The following ANKRD44 variants were observed in gnomAD, a reference collection of about 807,000 sequenced individuals.
ANKRD44 encodes serine/threonine-protein phosphatase 6 regulatory ankyrin repeat subunit B.
ANKRD44 carries 35 observed loss-of-function variants against 116.0 expected under a neutral mutation model. The ratio of observed to expected loss-of-function variants is 0.30; its 90% CI spans 0.23 to 0.40. The LOEUF is 0.40. Among genes scored for constraint, ANKRD44 ranks in the 10% least tolerant of loss-of-function variants. The probability of loss-of-function intolerance (pLI) is 1.00; values close to 1 mark genes in which losing one functional copy is unlikely to be tolerated. For missense variants in ANKRD44, 1,014 were observed against 1,242.6 expected (o/e 0.82, Z 2.77); for synonymous variants, 435 against 461.8 (o/e 0.94, Z 0.74).
chr2:197,066,453 G>A (rs1186590131), intron 16 of ANKRD44, among the ~76,000 whole-genome samples: 2 of 152,156 alleles, frequency 1.3e-5, no homozygotes, highest in Admixed American at 1.3e-4. Context: ...AATCAGGCAG[G>A]AGAAAGAAAT....
chr2:196,999,563 C>CTTATTTATTTAT (rs375324261), intron 23 of ANKRD44, among the ~76,000 whole-genome samples: 114 of 138,446 alleles, frequency 8.2e-4, no homozygotes, highest in South Asian at 1.4e-3. Context: ...TGTACAGACA[C>CTTATTTATTTAT]TTATTTATTT....
chr2:197,037,973 A>G (rs1428598080), intron 16 of ANKRD44, among the ~76,000 whole-genome samples: 1 of 152,146 alleles, frequency 6.6e-6, no homozygotes, highest in African/African-American at 2.4e-5. Flanking sequence ...TCATTGCTAC[A>G]TTTTAAAAAC....
At chr2:197,305,715 G>C (rs979864562) in intron 1 of ANKRD44, among the ~76,000 whole-genome samples, 2 of 151,988 alleles carry the variant, frequency 1.3e-5, no homozygotes, top group Non-Finnish European at 2.9e-5. Flanking sequence ...TGTAAGAGAA[G>C]AATAAGTTTA....
intron 16 of ANKRD44, among the ~76,000 whole-genome samples, chr2:197,048,228 T>C (rs1174423654): frequency 2.6e-5 from 4 of 152,180 alleles, no homozygotes; most frequent in African/African-American, 7.2e-5. Context: ...CTAGGGTACA[T>C]GTGCACCACG....
chr2:197,083,604 A>G, intron 13 of ANKRD44, 95 bp from the exon 14 acceptor site: 1 of 1,408,390 alleles, frequency 7.1e-7, no homozygotes, highest in African/African-American at 1.4e-5. Flanking sequence ...AGGGCATGGA[A>G]AGCTCTTGGA....
chr2:197,131,252 C>T (rs1234871916), intron 4 of ANKRD44, among the ~76,000 whole-genome samples: 3 of 148,854 alleles, frequency 2.0e-5, no homozygotes, highest in Non-Finnish European at 3.0e-5. Context: ...AGTGCAGTGG[C>T]GCGATCTCGG....
intron 2 of ANKRD44, among the ~76,000 whole-genome samples, chr2:197,151,374 A>C (rs1370221512): frequency 6.6e-6 from 1 of 152,246 alleles, no homozygotes; most frequent in Non-Finnish European, 1.5e-5. Context: ...GATGGAGAAC[A>C]GGGATGACAT....
intron 16 of ANKRD44, among the ~76,000 whole-genome samples, chr2:197,060,705 C>T (rs915259115): frequency 2.6e-5 from 4 of 152,204 alleles, no homozygotes; most frequent in African/African-American, 4.8e-5. Context: ...ACCTCAGCTC[C>T]TGGCAACCCC....
At chr2:197,282,041 C>A (rs1559216287) in intron 1 of ANKRD44, among the ~76,000 whole-genome samples, 1 of 152,094 alleles carries the variant, frequency 6.6e-6, no homozygotes, top group Non-Finnish European at 1.5e-5. Flanking sequence ...ATCACGAGGT[C>A]AGGAGATAGA....
At chr2:197,110,660 C>CA in intron 9 of ANKRD44, 106 bp downstream of exon 9, 1 of 913,234 alleles carries the variant, frequency 1.1e-6, no homozygotes, top group African/African-American at 1.6e-5. Flanking sequence ...TGCATGCTTA[C>CA]TAAAACTCCA....
intron 1 of ANKRD44, among the ~76,000 whole-genome samples, chr2:197,239,827 T>C (rs2082052825): frequency 6.6e-6 from 1 of 152,200 alleles, no homozygotes; most frequent in Non-Finnish European, 1.5e-5. Context: ...CTCAATGGAT[T>C]TCATACTCTG....
At chr2:197,242,975 A>G (rs2082120823) in intron 1 of ANKRD44, among the ~76,000 whole-genome samples, 1 of 152,248 alleles carries the variant, frequency 6.6e-6, no homozygotes, top group African/African-American at 2.4e-5. Flanking sequence ...AAGAGATCAC[A>G]TTCTGTGACT....
intron 17 of ANKRD44, among the ~76,000 whole-genome samples, chr2:197,021,063 T>C (rs562825191): frequency 1.3e-5 from 2 of 152,318 alleles, no homozygotes; most frequent in East Asian, 1.9e-4. Context: ...TTTTCTGTCC[T>C]TGTGATAGTT....
intron 21 of ANKRD44, among the ~76,000 whole-genome samples, chr2:196,975,732 G>A (rs1457198943): frequency 6.7e-6 from 1 of 149,714 alleles, no homozygotes; most frequent in Admixed American, 6.6e-5. Flanking sequence ...AGGTTGCAGG[G>A]AGCCGAGATT....
intron 17 of ANKRD44, chr2:197,015,220 G>A: frequency 3.1e-6 from 1 of 318,512 alleles, no homozygotes; most frequent in Non-Finnish European, 6.1e-6. Context: ...GCTGTTTCTA[G>A]GGAAGATTCT....
At chr2:197,122,026 G>A (rs560715183) in intron 7 of ANKRD44, among the ~76,000 whole-genome samples, 5 of 152,282 alleles carry the variant, frequency 3.3e-5, no homozygotes, top group African/African-American at 7.2e-5. Flanking sequence ...TTGCTCTGGA[G>A]TCCGACACCT....
chr2:197,277,486 T>C (rs11693873), intron 1 of ANKRD44, among the ~76,000 whole-genome samples: 53,894 of 152,018 alleles, frequency 0.35, 11,889 homozygotes, highest in East Asian at 0.69. Flanking sequence ...GCCTCATCTC[T>C]GGAGACCGTG....
At chr2:197,098,711 C>T (rs2078219576) in intron 10 of ANKRD44, among the ~76,000 whole-genome samples, 1 of 152,154 alleles carries the variant, frequency 6.6e-6, no homozygotes, top group African/African-American at 2.4e-5. Flanking sequence ...ATTTATAGAA[C>T]TCATATAGAT....
intron 1 of ANKRD44, among the ~76,000 whole-genome samples, chr2:197,204,191 G>A (rs2081154392): frequency 6.6e-6 from 1 of 151,988 alleles, no homozygotes; most frequent in Admixed American, 6.6e-5. Context: ...AGGAAAATGT[G>A]GAAAAAAAGC....
Sources: gnomAD v4.1 joint callset for allele counts (sites outside exome capture counted in the v4.1 genomes callset) on GRCh38, gnomAD v4.1.1 for gene constraint, MANE v1.5 for transcripts, NCBI Gene and HGNC (gene_info 2026-07-23, HGNC 2026-07-21) for gene names.